ABCB11: variants seen among roughly 807,000 people sequenced by gnomAD.
ABCB11 encodes bile salt export pump.
ABCB11 carries 95 observed loss-of-function variants against 148.0 expected under a neutral mutation model. The observed-to-expected ratio is 0.64, with a 90% CI of 0.54 to 0.76. The LOEUF (loss-of-function observed/expected upper bound fraction) is 0.76, where lower values mean the gene tolerates loss of function less well. Among genes scored for constraint, ABCB11 ranks in the 30% least tolerant of loss-of-function variants. ABCB11 has a pLI of 0.00. For synonymous variants in ABCB11, 591 were observed against 555.4 expected (o/e 1.06, Z -0.90); for missense variants, 1,523 against 1,617.8 (o/e 0.94, Z 1.01).
At chr2:168,981,683 CA>C (rs1694141882) in intron 10 of ABCB11, among the ~76,000 whole-genome samples, 1 of 152,110 alleles carries the variant, frequency 6.6e-6, no homozygotes, top group Non-Finnish European at 1.5e-5. Context: ...CTTCCTACCT[CA>C]GCAAAGGAAC....
intron 12 of ABCB11, among the ~76,000 whole-genome samples, chr2:168,974,078 A>C (rs1434166545): frequency 1.3e-5 from 2 of 152,068 alleles, no homozygotes; most frequent in African/African-American, 4.8e-5. Flanking sequence ...ATGACCAAGA[A>C]GTAAAATGAT....
At chr2:168,977,550 G>C (rs902362437) in intron 11 of ABCB11, among the ~76,000 whole-genome samples, 17 of 152,152 alleles carry the variant, frequency 1.1e-4, no homozygotes, top group African/African-American at 4.1e-4. Flanking sequence ...GAACACTCCA[G>C]CATCATCTTC....
intron 11 of ABCB11, among the ~76,000 whole-genome samples, chr2:168,977,465 G>A (rs1334125988): frequency 6.6e-6 from 1 of 152,070 alleles, no homozygotes; most frequent in Non-Finnish European, 1.5e-5. Context: ...CACCTCTTCT[G>A]CTAGCAACAA....
chr2:169,021,671 A>G (rs1191827673), intron 1 of ABCB11, among the ~76,000 whole-genome samples: 2 of 152,130 alleles, frequency 1.3e-5, no homozygotes, highest in African/African-American at 4.8e-5. Context: ...AACATTGTTC[A>G]TATATTAGTT....
chr2:168,973,862 A>G (rs775885628), intron 12 of ABCB11, 22 bp from the exon 13 acceptor site: 4 of 1,608,858 alleles, frequency 2.5e-6, no homozygotes, highest in East Asian at 2.2e-5. Flanking sequence ...AGAAAACAGC[A>G]AAGTTCAGAT....
intron 21 of ABCB11, among the ~76,000 whole-genome samples, chr2:168,943,563 G>A (rs180795225): frequency 6.6e-6 from 1 of 152,032 alleles, no homozygotes; most frequent in East Asian, 1.9e-4. Flanking sequence ...ATTATTTCAG[G>A]GGAAACAAGA....
intron 23 of ABCB11, 73 bp from the exon 24 acceptor site, chr2:168,932,606 G>T (rs1256668370): frequency 7.1e-5 from 111 of 1,553,812 alleles, no homozygotes; most frequent in Non-Finnish European, 8.8e-7. Context: ...GCAGAAGTTT[G>T]GGGATCTAGC....
At chr2:168,968,672 A>G (rs1207473198) in intron 16 of ABCB11, among the ~76,000 whole-genome samples, 182 bp from the exon 17 acceptor site, 1 of 151,988 alleles carries the variant, frequency 6.6e-6, no homozygotes, top group Non-Finnish European at 1.5e-5. Context: ...AAAAAATTTC[A>G]AAATACTCAG....
chr2:169,001,335 C>T (rs1205872877), intron 5 of ABCB11, among the ~76,000 whole-genome samples: 2 of 152,158 alleles, frequency 1.3e-5, no homozygotes, highest in Non-Finnish European at 2.9e-5. Context: ...GCTTAAAGAA[C>T]ATTCCTTAGC....
rs767723562 is a variant in ABCB11, at chr2:169,013,265, A to T, written c.389+7T>A. 4 of 1,586,472 alleles carry T rather than the reference A, an allele frequency of 2.5e-6. No homozygotes were observed. ...AAAGTAAAAAATTAAAAACAAAAAC[A>T]ACCTACCCACAACGTGTTCCATTTG... On this transcript the variant is annotated splice_region_variant and intron_variant, in intron 5 of 27. Coordinates refer to ENST00000650372, the MANE Select transcript of ABCB11 (RefSeq NM_003742.4).
chr2:169,010,227 C>T, intron 5 of ABCB11, among the ~76,000 whole-genome samples: 1 of 152,144 alleles, frequency 6.6e-6, no homozygotes, highest in Non-Finnish European at 1.5e-5. Context: ...TGAGTGTTTA[C>T]ACTTTAATTG....
chr2:169,012,864 G>C (rs891648216), intron 5 of ABCB11, among the ~76,000 whole-genome samples: 7 of 152,084 alleles, frequency 4.6e-5, no homozygotes, highest in Non-Finnish European at 1.0e-4. Context: ...TTAAGATCAA[G>C]TGGATCACCA....
chr2:168,971,888 T>C lies in ABCB11; in HGVS notation c.1597A>G (p.Lys533Glu). 6.2e-7 allele frequency: 1 copy of C among 1,613,028 alleles called. No homozygotes were observed. Among genetic ancestry groups the C allele is most frequent in the Non-Finnish European group, 8.5e-7 (1 of 1,179,330 alleles). The change falls in exon 14 of 28, where the codon AAG becomes GAG. Residue 533 changes from lysine (K) to glutamate (E), a missense_variant. By Grantham distance (56) the Lys-to-Glu change is moderately conservative. Coordinates refer to ENST00000650372, the MANE Select transcript of ABCB11 (RefSeq NM_003742.4). The part of the protein sequence containing the change: ...ATMEDIVQAA[K>E]EANAYNFIMD... Reference sequence around the variant, plus strand: ...ATGAAGTTGTAGGCATTGGCCTCCTTGGCAGCTTGGACTATGTCTTCCATT... The same window carrying C: ...ATGAAGTTGTAGGCATTGGCCTCCTCGGCAGCTTGGACTATGTCTTCCATT...
intron 18 of ABCB11, among the ~76,000 whole-genome samples, chr2:168,960,940 T>A (rs1693044902): frequency 6.6e-6 from 1 of 150,510 alleles, no homozygotes; most frequent in South Asian, 2.1e-4. Flanking sequence ...TGTACTTCTA[T>A]TGTAGCACTG....
chr2:168,925,875 A>G (rs995106099), intron 26 of ABCB11, among the ~76,000 whole-genome samples: 11 of 152,220 alleles, frequency 7.2e-5, no homozygotes, highest in Non-Finnish European at 1.5e-4. Flanking sequence ...TAGCTATTCA[A>G]TAAGGGTTTG....
At chr2:168,977,224 T>G (rs1693950443) in intron 11 of ABCB11, among the ~76,000 whole-genome samples, 4 of 151,622 alleles carry the variant, frequency 2.6e-5, no homozygotes, top group Admixed American at 1.3e-4. Context: ...TTTTTATACT[T>G]TTATTTACAT....
intron 5 of ABCB11, among the ~76,000 whole-genome samples, chr2:169,012,408 G>A (rs1695213901): frequency 6.6e-6 from 1 of 152,090 alleles, no homozygotes; most frequent in African/African-American, 2.4e-5. Flanking sequence ...CAGTAGCATA[G>A]TGACTGTGTC....
intron 18 of ABCB11, among the ~76,000 whole-genome samples, chr2:168,960,666 G>A (rs963141744): frequency 6.6e-5 from 10 of 151,270 alleles, no homozygotes; most frequent in East Asian, 3.9e-4. Context: ...TGACCCCCCC[G>A]AAAAAATGCA....
intron 1 of ABCB11, among the ~76,000 whole-genome samples, chr2:169,030,715 T>C (rs1695841719): frequency 6.6e-6 from 1 of 151,878 alleles, no homozygotes; most frequent in Non-Finnish European, 1.5e-5. Flanking sequence ...CACAGCTCAT[T>C]TTTTTTTGCA....
Sources: allele counts gnomAD v4.1 joint callset (sites outside exome capture counted in the v4.1 genomes callset), GRCh38; gene constraint gnomAD v4.1.1; transcripts MANE v1.5; gene names NCBI Gene and HGNC (gene_info 2026-07-23, HGNC 2026-07-21).